KCND2: variants seen among roughly 807,000 people sequenced by gnomAD.
KCND2 encodes A-type voltage-gated potassium channel KCND2.
A neutral mutation model predicts 54.4 loss-of-function variants in KCND2; 16 were observed. The ratio of observed to expected loss-of-function variants is 0.29; its 90% CI spans 0.20 to 0.45. The LOEUF (loss-of-function observed/expected upper bound fraction) is 0.45, where lower values mean the gene tolerates loss of function less well. Among genes scored for constraint, KCND2 ranks in the 20% least tolerant of loss-of-function variants. The pLI is 1.00. For missense variants in KCND2, 486 were observed against 824.2 expected (o/e 0.59, Z 5.02); for synonymous variants, 317 against 310.7 (o/e 1.02, Z -0.21).
At chr7:120,535,630 A>G (rs1028103389) in intron 1 of KCND2, among the ~76,000 whole-genome samples, 4 of 152,192 alleles carry the variant, frequency 2.6e-5, no homozygotes, top group Non-Finnish European at 5.9e-5. Flanking sequence ...ACAAAGTACT[A>G]TTCACAACAG....
chr7:120,664,284 ATTACT>A (rs1433705857), intron 1 of KCND2, among the ~76,000 whole-genome samples: 1 of 152,072 alleles, frequency 6.6e-6, no homozygotes, highest in Non-Finnish European at 1.5e-5. Flanking sequence ...CCTTGGCCAA[ATTACT>A]TTATAAACCA....
chr7:120,656,723 T>G (rs1346637162), intron 1 of KCND2, among the ~76,000 whole-genome samples: 1 of 152,248 alleles, frequency 6.6e-6, no homozygotes, highest in Non-Finnish European at 1.5e-5. Context: ...TTAATATGAC[T>G]TATCCTGTGG....
At chr7:120,442,051 G>A (rs964517342) in intron 1 of KCND2, among the ~76,000 whole-genome samples, 2 of 152,068 alleles carry the variant, frequency 1.3e-5, no homozygotes, top group African/African-American at 4.8e-5. Flanking sequence ...GTTTCCTACT[G>A]AAACAGAAAC....
intron 1 of KCND2, among the ~76,000 whole-genome samples, chr7:120,603,897 C>T (rs1792845962): frequency 6.6e-6 from 1 of 152,106 alleles, no homozygotes; most frequent in African/African-American, 2.4e-5. Flanking sequence ...GATCTGACTA[C>T]TTTTTTTAAA....
intron 1 of KCND2, among the ~76,000 whole-genome samples, chr7:120,472,584 C>A (rs200468159): frequency 3.4e-4 from 51 of 150,236 alleles, no homozygotes; most frequent in Non-Finnish European, 6.9e-4. Flanking sequence ...CACACACACA[C>A]AGTTTTTTGT....
At chr7:120,728,145 A>AAAAG (rs1452988795) in intron 1 of KCND2, among the ~76,000 whole-genome samples, 1 of 150,786 alleles carries the variant, frequency 6.6e-6, no homozygotes. Context: ...AAAAAAAAAA[A>AAAAG]AAAGAAAGAA....
At position 120,748,083 on chromosome 7, in the gene KCND2, C is replaced by G. The variant is rs1793028306; in HGVS notation, c.*225C>G. The G allele has an allele frequency of 2.5e-6, 1 of 406,112 alleles. No homozygotes were observed. The highest frequency in any genetic ancestry group is 2.0e-5 in the African/African-American group (1 of 49,460). The allele number at this position is 406,112 out of a possible 1,614,324, so 25.2% of individuals were successfully genotyped here. On this transcript the variant is annotated 3_prime_UTR_variant, in exon 6 of 6. Coordinates refer to ENST00000331113, the MANE Select transcript of KCND2 (RefSeq NM_012281.3). The stretch of plus-strand genomic sequence containing the variant: ...AGAGTAATATTCTGTGGCCCTTTGA[C>G]TTTGTGAATGAGCACAATGAAATGC...
chr7:120,522,365 A>C (rs147116500), intron 1 of KCND2, among the ~76,000 whole-genome samples: 3 of 152,300 alleles, frequency 2.0e-5, no homozygotes, highest in East Asian at 3.9e-4. Context: ...CCAAGGACTT[A>C]TGGCGTGACC....
intron 1 of KCND2, among the ~76,000 whole-genome samples, chr7:120,488,933 T>C (rs2116295428): frequency 6.6e-6 from 1 of 152,258 alleles, no homozygotes; most frequent in East Asian, 1.9e-4. Flanking sequence ...CCAAGGAACC[T>C]GTCCAATTTT....
intron 1 of KCND2, among the ~76,000 whole-genome samples, chr7:120,602,942 A>G (rs943018010): frequency 3.3e-5 from 5 of 152,220 alleles, no homozygotes; most frequent in Admixed American, 6.5e-5. Context: ...GGAACTCAAC[A>G]CAAATTGTGT....
chr7:120,593,784 T>C (rs1197082329), intron 1 of KCND2, among the ~76,000 whole-genome samples: 1 of 152,014 alleles, frequency 6.6e-6, no homozygotes, highest in African/African-American at 2.4e-5. Context: ...TCTAATCCCT[T>C]ACCCACTTCA....
intron 1 of KCND2, among the ~76,000 whole-genome samples, chr7:120,383,293 TGC>T (rs1486826917): frequency 6.6e-6 from 1 of 152,010 alleles, no homozygotes; most frequent in Non-Finnish European, 1.5e-5. Flanking sequence ...GCATCTAGGC[TGC>T]AAAGGTTGCC....
At chr7:120,370,092 G>A (rs1800745140) in intron 1 of KCND2, among the ~76,000 whole-genome samples, 2 of 151,938 alleles carry the variant, frequency 1.3e-5, no homozygotes, top group Non-Finnish European at 2.9e-5. Context: ...GGATAAAGAT[G>A]TGAAGAAGGT....
chr7:120,508,480 C>T (rs539814030), intron 1 of KCND2, among the ~76,000 whole-genome samples: 2 of 152,070 alleles, frequency 1.3e-5, no homozygotes, highest in Admixed American at 1.3e-4. Context: ...ATATAATTCT[C>T]CCATTTATTC....
rs542313541 is a variant in KCND2, at chr7:120,639,654, C to A, written c.1116-93249C>A. Among the ~76,000 whole-genome samples, 15 of 152,210 alleles carry A rather than the reference C, an allele frequency of 9.9e-5. No homozygotes were observed. In the South Asian group the frequency reaches 3.1e-3, roughly 32 times the overall value. On this transcript the variant is annotated intron_variant, in intron 1 of 5. Coordinates refer to ENST00000331113, the MANE Select transcript of KCND2 (RefSeq NM_012281.3). Reference sequence around the variant, plus strand: ...CAATCTTAGGAGAAATACAAGCAACCTTTATGCTAATATTGAGTAGCATAT... The same window carrying A: ...CAATCTTAGGAGAAATACAAGCAACATTTATGCTAATATTGAGTAGCATAT...
chr7:120,457,106 G>A (rs1361711231), intron 1 of KCND2, among the ~76,000 whole-genome samples: 2 of 152,184 alleles, frequency 1.3e-5, no homozygotes, highest in East Asian at 1.9e-4. Context: ...TGGGACACAG[G>A]GCGTTAAGTC....
intron 1 of KCND2, among the ~76,000 whole-genome samples, chr7:120,701,278 T>TAAAAAAA (rs1792399324): frequency 9.8e-6 from 1 of 101,750 alleles, no homozygotes; most frequent in Non-Finnish European, 2.1e-5. Flanking sequence ...AAAAAAAAAT[T>TAAAAAAA]AGAATTCTAG....
At position 120,482,963 on chromosome 7, in the gene KCND2, A is replaced by G. The variant is rs139302123; in HGVS notation, c.1115+207216A>G. Among the ~76,000 whole-genome samples, 67 of 152,264 alleles carry G rather than the reference A, an allele frequency of 4.4e-4. No individual in the cohort carries two copies. In the East Asian group the frequency reaches 0.012, roughly 27 times the overall value. On this transcript the variant is annotated intron_variant, in intron 1 of 5. Transcript: ENST00000331113. The stretch of plus-strand genomic sequence containing the variant: ...ACCCTGACTACTCATGACCCTTATT[A>G]TTATCTTCATAGTGCAGGTGAGAAA...
At chr7:120,298,521 G>T (rs149360517) in intron 1 of KCND2, among the ~76,000 whole-genome samples, 1 of 152,262 alleles carries the variant, frequency 6.6e-6, no homozygotes, top group East Asian at 1.9e-4. Flanking sequence ...GATTGGAAGT[G>T]CTTCTTTATG....
Sources: gnomAD v4.1 joint callset for allele counts (sites outside exome capture counted in the v4.1 genomes callset) on GRCh38, gnomAD v4.1.1 for gene constraint, MANE v1.5 for transcripts, NCBI Gene and HGNC (gene_info 2026-07-23, HGNC 2026-07-21) for gene names.